The following RELCH variants were observed in gnomAD, a reference collection of about 807,000 sequenced individuals.
The protein encoded by RELCH is RAB11 binding and LisH domain, coiled-coil and HEAT repeat containing.
RELCH carries 41 observed loss-of-function variants against 150.3 expected under a neutral mutation model. The observed-to-expected ratio is 0.27, with a 90% CI of 0.21 to 0.35. RELCH has a LOEUF of 0.35. Among genes scored for constraint, RELCH ranks in the 10% least tolerant of loss-of-function variants. The probability of loss-of-function intolerance (pLI) is 1.00; values close to 1 mark genes in which losing one functional copy is unlikely to be tolerated. For missense variants in RELCH, 1,092 were observed against 1,467.8 expected, an observed-to-expected ratio of 0.74 and a Z score of 4.18; for synonymous variants, 478 against 531.8, an observed-to-expected ratio of 0.90 and a Z score of 1.39.
At chr18:62,188,059 G>A (rs1225831957) in intron 1 of RELCH, 28 bp downstream of exon 1, 8 of 1,518,384 alleles carry the variant, frequency 5.3e-6, no homozygotes, top group East Asian at 2.3e-5. Flanking sequence ...GTCACACTCC[G>A]GCAGGGTATT....
At chr18:62,249,633 G>A (rs1407198383) in intron 11 of RELCH, among the ~76,000 whole-genome samples, 1 of 151,914 alleles carries the variant, frequency 6.6e-6, no homozygotes, top group East Asian at 1.9e-4. Flanking sequence ...TGGTCTTAGA[G>A]TCTATTTTCA....
chr18:62,209,687 A>G (rs2040038458), intron 1 of RELCH, among the ~76,000 whole-genome samples: 1 of 148,630 alleles, frequency 6.7e-6, no homozygotes. Context: ...TAGGAATTGC[A>G]TTGAATCTGA....
At chr18:62,269,465 C>T in intron 20 of RELCH, 1 of 410,486 alleles carries the variant, frequency 2.4e-6, no homozygotes, top group South Asian at 1.7e-5. Context: ...GGACCCAAGT[C>T]TAAACACAAA....
chr18:62,283,956 A>C (rs2044658089), intron 25 of RELCH, among the ~76,000 whole-genome samples: 1 of 152,154 alleles, frequency 6.6e-6, no homozygotes, highest in Admixed American at 6.5e-5. Context: ...TGTTGCATTA[A>C]ATGGGTCCTT....
In RELCH at chr18:62,298,720, A is replaced by G. The variant is rs2045531988; in HGVS notation, c.3460-70A>G. 5.4e-6 allele frequency: 4 copies of G among 747,338 alleles called. No individual in the cohort carries two copies. The South Asian group carries it at 6.7e-5, about 12-fold the overall frequency. The allele number at this position is 747,338 out of a possible 1,614,324, so 46.3% of individuals were successfully genotyped here. ...TAGCTTATAGGAATATTAAAAATTA[A>G]AACATTAGATTAAACCATAGTATTT... On this transcript the variant is annotated intron_variant, in intron 27 of 28. Coordinates refer to ENST00000644646, the MANE Select transcript of RELCH (RefSeq NM_001346231.2).
chr18:62,213,008 A>G (rs923122278), intron 2 of RELCH, among the ~76,000 whole-genome samples: 2 of 152,202 alleles, frequency 1.3e-5, no homozygotes, highest in African/African-American at 4.8e-5. Context: ...GTGGCTCTCC[A>G]TGTCAAATCA....
intron 10 of RELCH, among the ~76,000 whole-genome samples, chr18:62,233,757 A>C (rs1850626566): frequency 6.6e-6 from 1 of 151,862 alleles, no homozygotes; most frequent in South Asian, 2.1e-4. Flanking sequence ...CCTTAATATC[A>C]TCTTTAGAGT....
At chr18:62,270,271 C>G (rs1180989402) in intron 20 of RELCH, among the ~76,000 whole-genome samples, 1 of 152,180 alleles carries the variant, frequency 6.6e-6, no homozygotes, top group African/African-American at 2.4e-5. Context: ...ACTGCAGTCC[C>G]TTGCTAAATA....
intron 10 of RELCH, among the ~76,000 whole-genome samples, chr18:62,238,579 A>G (rs898333859): frequency 2.0e-5 from 3 of 152,088 alleles, no homozygotes; most frequent in African/African-American, 7.2e-5. Context: ...TGTAACTTTC[A>G]GTTTCATTCT....
chr18:62,292,355 G>C (rs983176821), intron 27 of RELCH, among the ~76,000 whole-genome samples: 5 of 151,982 alleles, frequency 3.3e-5, no homozygotes, highest in Non-Finnish European at 7.4e-5. Context: ...AACTCCTGTG[G>C]CTCCTGGGAC....
At chr18:62,282,243 C>A in intron 24 of RELCH, 63 bp from the exon 25 acceptor site, 2 of 1,438,858 alleles carry the variant, frequency 1.4e-6, no homozygotes, top group Non-Finnish European at 1.9e-6. Context: ...GTGTCTTTCA[C>A]TTTAACAACA....
intron 11 of RELCH, among the ~76,000 whole-genome samples, chr18:62,249,080 T>C (rs2148520013): frequency 6.6e-6 from 1 of 152,328 alleles, no homozygotes; most frequent in East Asian, 1.9e-4. Flanking sequence ...GAAAAAATGA[T>C]TTTTGCTTAT....
intron 13 of RELCH, among the ~76,000 whole-genome samples, chr18:62,257,238 G>T (rs1283758120): frequency 1.4e-5 from 2 of 146,080 alleles, no homozygotes; most frequent in Non-Finnish European, 3.1e-5. Flanking sequence ...CAGCCATGAA[G>T]CTAAAACACT....
intron 26 of RELCH, among the ~76,000 whole-genome samples, chr18:62,290,386 C>G (rs1285765466): frequency 1.3e-5 from 2 of 152,172 alleles, no homozygotes; most frequent in Non-Finnish European, 2.9e-5. Flanking sequence ...AAAAAATTAG[C>G]TGGATGTGGT....
At chr18:62,204,169 CTTTTA>C (rs1028874489) in intron 1 of RELCH, among the ~76,000 whole-genome samples, 10 of 151,996 alleles carry the variant, frequency 6.6e-5, no homozygotes, top group Admixed American at 1.3e-4. Flanking sequence ...CTTCTATGTA[CTTTTA>C]TTTTATAATT....
intron 19 of RELCH, among the ~76,000 whole-genome samples, chr18:62,267,470 T>G (rs1466301388): frequency 7.0e-6 from 1 of 142,784 alleles, no homozygotes; most frequent in Non-Finnish European, 1.5e-5. Context: ...AATATATATA[T>G]AGTCTAGGTA....
At chr18:62,280,520 T>A in intron 23 of RELCH, 126 bp from the exon 24 acceptor site, 1 of 1,420,888 alleles carries the variant, frequency 7.0e-7, no homozygotes, top group Non-Finnish European at 9.9e-7. Context: ...TTTTTTAAAT[T>A]TATTTAATTT....
At chr18:62,239,640 G>A (rs1313024054) in intron 10 of RELCH, among the ~76,000 whole-genome samples, 1 of 151,996 alleles carries the variant, frequency 6.6e-6, no homozygotes, top group African/African-American at 2.4e-5. Flanking sequence ...ATTTCCAAAT[G>A]ATCTTTTCAA....
chr18:62,281,025 C>G (rs938885371), intron 24 of RELCH, among the ~76,000 whole-genome samples: 1 of 152,170 alleles, frequency 6.6e-6, no homozygotes, highest in Non-Finnish European at 1.5e-5. Context: ...CCTTCCTCTT[C>G]CCTCTTTTCT....
Sources: gnomAD v4.1 joint callset for allele counts (sites outside exome capture counted in the v4.1 genomes callset) on GRCh38, gnomAD v4.1.1 for gene constraint, MANE v1.5 for transcripts, NCBI Gene and HGNC (gene_info 2026-07-23, HGNC 2026-07-21) for gene names.